IDUA: variants seen among roughly 807,000 people sequenced by gnomAD.
The protein encoded by IDUA is iduronidase alpha-L-.
Under a neutral mutation model 68.9 loss-of-function variants are expected in IDUA, and 65 were observed. That is an observed-to-expected ratio of 0.94 (90% CI 0.77 to 1.16). IDUA has a LOEUF of 1.16. IDUA is among the 50% of genes most tolerant of loss of function. The pLI, the probability that IDUA is intolerant of heterozygous loss-of-function variation, is 0.00. For synonymous variants in IDUA, 529 were observed against 433.6 expected, an observed-to-expected ratio of 1.22 and a Z score of -2.73; for missense variants, 1,046 against 938.0, an observed-to-expected ratio of 1.12 and a Z score of -1.50.
intron 2 of IDUA, chr4:988,259 G>C: frequency 8.1e-7 from 1 of 1,234,432 alleles, no homozygotes; most frequent in Non-Finnish European, 1.0e-6. Context: ...TAGGGCCACT[G>C]CACCTGAGGG....
chr4:993,551 G>C (rs1203163514), intron 2 of IDUA: 1 of 151,984 alleles, frequency 6.6e-6, no homozygotes, highest in African/African-American at 2.4e-5. Flanking sequence ...TCAGGGGCTT[G>C]TAGGAGTTAG....
At chr4:991,627 C>T (rs766026521) in intron 2 of IDUA, 1 of 1,577,492 alleles carries the variant, frequency 6.3e-7, no homozygotes, top group East Asian at 2.2e-5. Flanking sequence ...CTCACGCAGA[C>T]CCCGGGGTGC....
rs1453874441 is a variant in IDUA, at chr4:1,001,896, T to A, written c.792+15T>A. 1 of 1,572,320 alleles carries A rather than the reference T, an allele frequency of 6.4e-7. No individual in the cohort carries two copies. The highest frequency in any genetic ancestry group is 8.6e-7 in the Non-Finnish European group (1 of 1,160,596). ...TCCACAGGAAGGTGCGCCCTGCCCC[T>A]CCGTCCGCCCCGGTGTTCTGCGCCC... On this transcript the variant is annotated intron_variant, in intron 6 of 13. Coordinates refer to ENST00000514224, the MANE Select transcript of IDUA (RefSeq NM_000203.5).
At chr4:992,029 G>T in intron 2 of IDUA, 1 of 604,124 alleles carries the variant, frequency 1.7e-6, no homozygotes. Context: ...CCCTGTCCAG[G>T]CTCAGCTCCG....
At chr4:988,961 C>T in intron 2 of IDUA, 1 of 1,596,574 alleles carries the variant, frequency 6.3e-7, no homozygotes, top group African/African-American at 1.3e-5. Context: ...AGGAAGCCTC[C>T]TCTGCTCAGA....
At chr4:990,748 G>A in intron 2 of IDUA, 2 of 396,806 alleles carry the variant, frequency 5.0e-6, no homozygotes, top group Non-Finnish European at 9.1e-6. Context: ...GGGGGCCAAG[G>A]TGGACAGGCC....
chr4:988,179 T>A, intron 2 of IDUA: 2 of 1,380,972 alleles, frequency 1.4e-6, no homozygotes, highest in South Asian at 3.4e-5. Context: ...AGGCTCAGGG[T>A]TGGCTGCGCC....
At position 1,002,745 on chromosome 4, in the gene IDUA, C is replaced by T; in HGVS notation, c.1203C>T (p.Leu401=). 6.7e-7 allele frequency: 1 copy of T among 1,482,354 alleles called. No homozygotes were observed. Among genetic ancestry groups the T allele is most frequent in the South Asian group, 1.3e-5 (1 of 78,350 alleles). 91.8% of individuals were successfully genotyped at this position (1,482,354 alleles called of 1,614,324 possible). Residue 401 remains leucine, a synonymous_variant, in exon 9 of 14, where the codon CTC becomes CTT. Coordinates refer to ENST00000514224, the MANE Select transcript of IDUA (RefSeq NM_000203.5). ...CCCGCCCCGCAGATGAGGAGCAGCTCTGGGCCGAAGTGTCGCAGGCCGGGA... is the reference window on the plus strand; with the variant it reads ...CCCGCCCCGCAGATGAGGAGCAGCTTTGGGCCGAAGTGTCGCAGGCCGGGA... ...GLLALLDEEQ[L]WAEVSQAGTV...
Position 1,002,889 on chromosome 4 carries a change from C to T in IDUA, c.1347C>T (p.His449=). ...ACGCGAGCGACGACACCCGCGCCCACCCCAACCGCAGCGTCGCGGTGACCC... is the reference window on the plus strand; with the variant it reads ...ACGCGAGCGACGACACCCGCGCCCATCCCAACCGCAGCGTCGCGGTGACCC... The part of the protein sequence containing the change: ...LIYASDDTRA[H]PNRSVAVTLR... The change falls in exon 9 of 14, where the codon CAC becomes CAT. Residue 449 remains histidine, a synonymous_variant. Transcript: ENST00000514224. 1 of 1,427,660 alleles carries T rather than the reference C, an allele frequency of 7.0e-7. No individual in the cohort carries two copies. Among genetic ancestry groups the T allele is most frequent in the Non-Finnish European group, 9.1e-7 (1 of 1,096,712 alleles). 88.4% of individuals were successfully genotyped at this position (1,427,660 alleles called of 1,614,324 possible). A position where few individuals can be genotyped will look rare whatever the true frequency, so the allele number is the denominator to read the frequency against.
At chr4:989,082 C>T in intron 2 of IDUA, 1 of 1,595,606 alleles carries the variant, frequency 6.3e-7, no homozygotes, top group Non-Finnish European at 8.5e-7. Context: ...CTAGGAACAG[C>T]AGCGGGGCGC....
At chr4:1,002,196 C>T (rs745638426) in intron 7 of IDUA, 35 bp downstream of exon 7, 2 of 1,565,794 alleles carry the variant, frequency 1.3e-6, no homozygotes, top group African/African-American at 1.4e-5. Flanking sequence ...GCCCCCCGGC[C>T]ACCTTCCTCC....
intron 2 of IDUA, among the ~76,000 whole-genome samples, chr4:997,355 G>A (rs1399059565): frequency 1.2e-5 from 1 of 86,878 alleles, no homozygotes; most frequent in African/African-American, 4.4e-5. Context: ...CCCACCCTCA[G>A]GAGAGCGCGG....
At position 987,911 on chromosome 4, in the gene IDUA, G is replaced by T; in HGVS notation, c.261G>T (p.Gln87His). ...VGAVPHRGIK[Q>H]VRTHWLLELV... ...CCGTCCCTCACCGCGGCATCAAGCA[G>T]GTCCGGACCCACTGGCTGCTGGAGC... Residue 87 changes from glutamine (Q) to histidine (H), a missense_variant, in exon 2 of 14, where the codon CAG becomes CAT. Physicochemically the swap from Gln to His is conservative, Grantham distance 24. Transcript: ENST00000514224. 1 of 1,604,792 alleles carries T rather than the reference G, an allele frequency of 6.2e-7. No individual in the cohort carries two copies. The highest frequency in any genetic ancestry group is 8.5e-7 in the Non-Finnish European group (1 of 1,176,330).
At position 1,002,825 on chromosome 4, in the gene IDUA, A is replaced by C; in HGVS notation, c.1283A>C (p.Gln428Pro). The change falls in exon 9 of 14, where the codon CAG becomes CCG. Residue 428 changes from glutamine to proline, a missense_variant. By Grantham distance (76) the Gln-to-Pro change is moderately conservative. Coordinates refer to ENST00000514224, the MANE Select transcript of IDUA (RefSeq NM_000203.5). ...GTCCTGGCCAGCGCCCACCGCCCCCAGGGCCCGGCCGACGCCTGGCGCGCC... is the reference window on the plus strand; with the variant it reads ...GTCCTGGCCAGCGCCCACCGCCCCCCGGGCCCGGCCGACGCCTGGCGCGCC... ...VGVLASAHRP[Q>P]GPADAWRAAV... The C allele has an allele frequency of 6.9e-7, 1 of 1,454,156 alleles. No individual in the cohort carries two copies. The highest frequency in any genetic ancestry group is 9.0e-7 in the Non-Finnish European group (1 of 1,109,392). The allele number at this position is 1,454,156 out of a possible 1,614,324, so 90.1% of individuals were successfully genotyped here.
At chr4:989,570 C>G in intron 2 of IDUA, 2 of 1,592,350 alleles carry the variant, frequency 1.3e-6, no homozygotes, top group Non-Finnish European at 1.7e-6. Context: ...AGGTCCCACA[C>G]CTTGCGCAGG....
intron 4 of IDUA, chr4:1,001,196 G>C (rs1321103798): frequency 1.6e-6 from 1 of 618,638 alleles, no homozygotes; most frequent in Non-Finnish European, 2.9e-6. Context: ...TGGGCTTGGT[G>C]GGTGGGCGAA....
At chr4:995,819 G>C (rs1195289525) in intron 2 of IDUA, among the ~76,000 whole-genome samples, 2 of 152,258 alleles carry the variant, frequency 1.3e-5, no homozygotes, top group Non-Finnish European at 2.9e-5. Context: ...GCCCAGGGAA[G>C]ACTGGGCTGC....
At chr4:996,301 G>T (rs1714742077) in intron 2 of IDUA, among the ~76,000 whole-genome samples, 1 of 152,242 alleles carries the variant, frequency 6.6e-6, no homozygotes, top group Admixed American at 6.5e-5. Flanking sequence ...GCCACCAGCA[G>T]GGTTGTTGGA....
rs1553915188 is a variant in IDUA, at chr4:989,160, CA to C, written c.299+1212del. The C allele has an allele frequency of 1.2e-6, 2 of 1,607,410 alleles. No individual in the cohort carries two copies. The highest frequency in any genetic ancestry group is 1.7e-6 in the Non-Finnish European group (2 of 1,176,516). On this transcript the variant is annotated intron_variant, in intron 2 of 13. Transcript: ENST00000514224. ...GCGCAGCCCTGGTGCTAACCGGGCC[CA>C]GGTCCTCGCCCTGGGCAGGGCCTCC...
Sources: allele counts gnomAD v4.1 joint callset (sites outside exome capture counted in the v4.1 genomes callset), GRCh38; gene constraint gnomAD v4.1.1; transcripts MANE v1.5; gene names NCBI Gene and HGNC (gene_info 2026-07-23, HGNC 2026-07-21).